BMAL2: variants seen among roughly 807,000 people sequenced by gnomAD.
BMAL2 encodes basic helix-loop-helix ARNT-like protein 2.
the BMAL2 span, among the ~76,000 whole-genome samples, chr12:27,345,893 T>G: frequency 6.6e-6 from 1 of 152,246 alleles, no homozygotes; most frequent in Non-Finnish European, 1.5e-5. Context: ...CTCCAAATGT[T>G]TTTTAGTAAT....
At chr12:27,407,612 A>G in the BMAL2 span, among the ~76,000 whole-genome samples, 7 of 152,206 alleles carry the variant, frequency 4.6e-5, no homozygotes, top group African/African-American at 1.7e-4. Context: ...AGGGAAATTT[A>G]TAGCACTAAA....
the BMAL2 span, among the ~76,000 whole-genome samples, chr12:27,391,151 A>G: frequency 2.0e-5 from 3 of 152,254 alleles, no homozygotes; most frequent in African/African-American, 7.2e-5. Flanking sequence ...GGTAGTGAGC[A>G]TAGTACCCAG....
chr12:27,403,797 C>T, the BMAL2 span, among the ~76,000 whole-genome samples: 1 of 151,998 alleles, frequency 6.6e-6, no homozygotes, highest in Non-Finnish European at 1.5e-5. Flanking sequence ...TGTTTTTCAA[C>T]AGGAAGGCAG....
the BMAL2 span, among the ~76,000 whole-genome samples, chr12:27,381,899 T>A: frequency 6.6e-6 from 1 of 151,638 alleles, no homozygotes; most frequent in African/African-American, 2.4e-5. Flanking sequence ...AAAAAGGGAG[T>A]GAGCAAAGGA....
chr12:27,342,394 T>A, the BMAL2 span, among the ~76,000 whole-genome samples: 1 of 152,242 alleles, frequency 6.6e-6, no homozygotes, highest in Non-Finnish European at 1.5e-5. Context: ...ACTTAAGCTA[T>A]AAGTGTATTT....
At chr12:27,389,219 C>T in the BMAL2 span, 1 of 1,612,602 alleles carries the variant, frequency 6.2e-7, no homozygotes, top group Non-Finnish European at 8.5e-7. Flanking sequence ...TTCTTACATC[C>T]AAAAGATGTT....
the BMAL2 span, chr12:27,401,179 G>C: frequency 8.8e-7 from 1 of 1,132,356 alleles, no homozygotes; most frequent in Non-Finnish European, 1.3e-6. Flanking sequence ...TTACGATCCT[G>C]ACCATATGTG....
At chr12:27,362,409 A>G in the BMAL2 span, among the ~76,000 whole-genome samples, 1 of 152,154 alleles carries the variant, frequency 6.6e-6, no homozygotes, top group Non-Finnish European at 1.5e-5. Flanking sequence ...ATCACTGGTA[A>G]AATTATTCTC....
the BMAL2 span, among the ~76,000 whole-genome samples, chr12:27,390,992 T>C: frequency 6.6e-6 from 1 of 152,228 alleles, no homozygotes; most frequent in East Asian, 1.9e-4. Context: ...TTGCTAATAC[T>C]CATTTATTTA....
chr12:27,357,022 G>A, the BMAL2 span, among the ~76,000 whole-genome samples: 1 of 151,802 alleles, frequency 6.6e-6, no homozygotes, highest in Non-Finnish European at 1.5e-5. Flanking sequence ...TTCCATTCCC[G>A]AGTTACTTCA....
At chr12:27,370,749 G>A in the BMAL2 span, among the ~76,000 whole-genome samples, 1 of 152,048 alleles carries the variant, frequency 6.6e-6, no homozygotes, top group Admixed American at 6.5e-5. Context: ...GGGACTACAG[G>A]CACCCGCCGA....
the BMAL2 span, among the ~76,000 whole-genome samples, chr12:27,369,143 C>T: frequency 2.0e-5 from 3 of 152,132 alleles, no homozygotes; most frequent in Admixed American, 1.3e-4. Context: ...TAAAGATAGC[C>T]ATCTATAGCA....
chr12:27,366,066 C>G, the BMAL2 span, among the ~76,000 whole-genome samples: 6 of 151,950 alleles, frequency 3.9e-5, no homozygotes, highest in African/African-American at 1.4e-4. Context: ...TCCTCTTGCC[C>G]CATGAATTAT....
the BMAL2 span, among the ~76,000 whole-genome samples, chr12:27,353,899 T>C: frequency 1.3e-5 from 2 of 152,068 alleles, no homozygotes; most frequent in South Asian, 2.1e-4. Flanking sequence ...ATGGCTATTA[T>C]TAAAAAGTCA....
At chr12:27,372,230 C>A in the BMAL2 span, among the ~76,000 whole-genome samples, 265 of 124,778 alleles carry the variant, frequency 2.1e-3, no homozygotes, top group Admixed American at 2.5e-3. Context: ...GACTCTATCT[C>A]AAAAAAAAAA....
At chr12:27,412,854 G>C in the BMAL2 span, among the ~76,000 whole-genome samples, 1 of 151,998 alleles carries the variant, frequency 6.6e-6, no homozygotes, top group South Asian at 2.1e-4. Context: ...ATTCTCAAAA[G>C]TCAAAGAAGG....
the BMAL2 span, among the ~76,000 whole-genome samples, chr12:27,397,009 C>T: frequency 6.6e-6 from 1 of 152,076 alleles, no homozygotes; most frequent in Admixed American, 6.5e-5. Context: ...TGAAATTACT[C>T]TTTCAAATAG....
chr12:27,371,383 A>G, the BMAL2 span, among the ~76,000 whole-genome samples: 1 of 152,136 alleles, frequency 6.6e-6, no homozygotes, highest in Non-Finnish European at 1.5e-5. Context: ...AGAGAAGAAG[A>G]GAGTCTACAG....
the BMAL2 span, among the ~76,000 whole-genome samples, chr12:27,349,213 G>T: frequency 6.6e-6 from 1 of 152,156 alleles, no homozygotes; most frequent in Non-Finnish European, 1.5e-5. Flanking sequence ...CATATTTCAT[G>T]TCATCTTAAA....
Sources: allele counts gnomAD v4.1 joint callset (sites outside exome capture counted in the v4.1 genomes callset), GRCh38; gene constraint gnomAD v4.1.1; transcripts MANE v1.5; gene names NCBI Gene and HGNC (gene_info 2026-07-23, HGNC 2026-07-21).